The following EML6 variants were observed in gnomAD, a reference collection of about 807,000 sequenced individuals.
EML6 encodes the protein EMAP like 6, also known as echinoderm microtubule-associated protein-like 6.
A neutral mutation model predicts 240.1 loss-of-function variants in EML6; 154 were observed. The observed-to-expected ratio is 0.64, with a 90% CI of 0.56 to 0.73. The LOEUF (loss-of-function observed/expected upper bound fraction) is 0.73. Ranked by LOEUF, EML6 falls within the 30% of genes least tolerant of loss-of-function variation. The pLI is 0.00. For missense variants in EML6, 2,964 were observed against 2,474.6 expected, an observed-to-expected ratio of 1.20 and a Z score of -4.20; for synonymous variants, 1,148 against 899.0, an observed-to-expected ratio of 1.28 and a Z score of -4.95.
At chr2:54,764,455 C>G (rs1668100968) in intron 2 of EML6, among the ~76,000 whole-genome samples, 1 of 152,026 alleles carries the variant, frequency 6.6e-6, no homozygotes, top group African/African-American at 2.4e-5. Flanking sequence ...GCTCGTGAAA[C>G]CTGGGGGCAC....
chr2:54,896,567 A>G (rs1353905242), intron 21 of EML6, among the ~76,000 whole-genome samples: 1 of 152,142 alleles, frequency 6.6e-6, no homozygotes. Context: ...ATTTAGGTGG[A>G]AGAGGCATGG....
rs1386345945 is a variant in EML6, at chr2:54,853,628, A to G, written c.1445-15A>G. On this transcript the variant is annotated splice_polypyrimidine_tract_variant and intron_variant, in intron 10 of 41. Coordinates refer to ENST00000356458, the MANE Select transcript of EML6 (RefSeq NM_001039753.4). Reference sequence around the variant, plus strand: ...CTTTTTATTTAAATGTAATGTTAATATTGATTATTTTCAGCTGGGAAGCCT... The same window carrying G: ...CTTTTTATTTAAATGTAATGTTAATGTTGATTATTTTCAGCTGGGAAGCCT... The G allele has an allele frequency of 6.9e-7, 1 of 1,453,722 alleles. No individual in the cohort carries two copies. Among genetic ancestry groups the G allele is most frequent in the Admixed American group, 2.2e-5 (1 of 46,404 alleles). The allele number at this position is 1,453,722 out of a possible 1,614,324, so 90.1% of individuals were successfully genotyped here.
Position 54,909,250 on chromosome 2 carries a change from T to C in EML6, c.3410-1704T>C, listed in dbSNP as rs191654729. 2.0e-4 allele frequency among the ~76,000 whole-genome samples: 31 copies of C among 152,386 alleles called. 1 individual carries two copies. In the East Asian group the frequency reaches 5.8e-3, roughly 28 times the overall value. On this transcript the variant is annotated intron_variant, in intron 24 of 41. Transcript: ENST00000356458. ...CTCTTGAGTGTCCTAAAAATAGAAT[T>C]ACTTTACAGATGTATTTAGTTCATC...
At chr2:54,786,587 T>C (rs1669103826) in intron 2 of EML6, among the ~76,000 whole-genome samples, 2 of 151,982 alleles carry the variant, frequency 1.3e-5, no homozygotes, top group South Asian at 4.2e-4. Context: ...TATAGGGAGG[T>C]GGACAGTTTA....
Position 54,952,519 on chromosome 2 carries a change from C to T in EML6, c.4214-75C>T, listed in dbSNP as rs533834384. ...TTTTATAAGAAGTATCCAATGGCTC[C>T]ACGCGATGTTTTGAAGTTGCCCTAA... On this transcript the variant is annotated intron_variant, in intron 30 of 41. Coordinates refer to ENST00000356458, the MANE Select transcript of EML6 (RefSeq NM_001039753.4). 3.5e-4 allele frequency: 291 copies of T among 838,766 alleles called. 1 individual carries two copies. In the South Asian group the frequency reaches 4.6e-3, roughly 13 times the overall value. The allele number at this position is 838,766 out of a possible 1,614,324, so 52.0% of individuals were successfully genotyped here. A position where few individuals can be genotyped will look rare whatever the true frequency, so the allele number is the denominator to read the frequency against.
At chr2:54,895,445 G>T (rs773505989) in intron 21 of EML6, 45 bp downstream of exon 21, 3 of 1,542,816 alleles carry the variant, frequency 1.9e-6, no homozygotes, top group South Asian at 2.4e-5. Context: ...ATCAAGGCTG[G>T]GACTAGAGTG....
At chr2:54,900,835 TG>T (rs768628114) in intron 22 of EML6, among the ~76,000 whole-genome samples, 1 of 152,156 alleles carries the variant, frequency 6.6e-6, no homozygotes. Flanking sequence ...TAAAGATATT[TG>T]GCACAAAGTA....
rs575621987 is a variant in EML6 at position 54,961,184 on chromosome 2, G to GTTTTTTTTTTTTTTTTTT, written c.4968+852_4968+869dup. 6.0e-4 allele frequency among the ~76,000 whole-genome samples: 33 copies of GTTTTTTTTTTTTTTTTTT among 55,404 alleles called. 3 individuals are homozygous for GTTTTTTTTTTTTTTTTTT. Among genetic ancestry groups the GTTTTTTTTTTTTTTTTTT allele is most frequent in the African/African-American group, 1.9e-3 (24 of 12,364 alleles). The allele number at this position is 55,404 out of a possible 152,430, so 36.3% of individuals were successfully genotyped here. On this transcript the variant is annotated intron_variant, in intron 35 of 41. Transcript: ENST00000356458. ...GGAGCCTGGAAGTTATCAGGAAGTA[G>GTTTTTTTTTTTTTTTTTT]TTTTTTTTTTTTTTTTTTTGAGACG...
chr2:54,932,393 C>G (rs916681008), intron 28 of EML6, among the ~76,000 whole-genome samples: 5 of 152,198 alleles, frequency 3.3e-5, no homozygotes. Flanking sequence ...CACTCCTTAT[C>G]TGGGCACTCA....
chr2:54,802,295 T>G (rs548098435), intron 2 of EML6, among the ~76,000 whole-genome samples: 1 of 151,858 alleles, frequency 6.6e-6, no homozygotes, highest in East Asian at 1.9e-4. Context: ...GTAACTTACC[T>G]CGTACTTCTA....
chr2:54,855,283 G>GGA (rs1241149444), intron 11 of EML6, among the ~76,000 whole-genome samples: 3 of 152,006 alleles, frequency 2.0e-5, no homozygotes, highest in Non-Finnish European at 4.4e-5. Flanking sequence ...AAGGTGAGGG[G>GGA]GAGAAGGTAC....
At chr2:54,893,500 C>T (rs1672590007) in intron 19 of EML6, among the ~76,000 whole-genome samples, 1 of 152,172 alleles carries the variant, frequency 6.6e-6, no homozygotes, top group Non-Finnish European at 1.5e-5. Context: ...GTCTAGTCAA[C>T]TCTGAAAGTT....
At chr2:54,933,638 G>A (rs1449241382) in intron 28 of EML6, among the ~76,000 whole-genome samples, 1 of 151,980 alleles carries the variant, frequency 6.6e-6, no homozygotes, top group Admixed American at 6.6e-5. Flanking sequence ...GGAGGCTGAG[G>A]CACCAATCGC....
At chr2:54,865,374 A>C (rs1670917911) in intron 13 of EML6, among the ~76,000 whole-genome samples, 1 of 151,710 alleles carries the variant, frequency 6.6e-6, no homozygotes, top group East Asian at 1.9e-4. Context: ...CTACTCAGGA[A>C]GCTGAGGTGG....
chr2:54,893,742 C>T (rs555520977), intron 19 of EML6, among the ~76,000 whole-genome samples: 1 of 152,278 alleles, frequency 6.6e-6, no homozygotes, highest in South Asian at 2.1e-4. Context: ...TCTCAATTTT[C>T]TTTTACCTGT....
At chr2:54,844,272 C>G (rs780237483) in intron 8 of EML6, 24 bp downstream of exon 8, 1 of 1,533,810 alleles carries the variant, frequency 6.5e-7, no homozygotes, top group Admixed American at 2.0e-5. Flanking sequence ...GCCGTCACCT[C>G]TCTGACTTCT....
chr2:54,907,438 C>T (rs1206040481), intron 24 of EML6, among the ~76,000 whole-genome samples: 1 of 152,162 alleles, frequency 6.6e-6, no homozygotes, highest in Non-Finnish European at 1.5e-5. Flanking sequence ...AACCGGGAGG[C>T]AGAGGTTGCA....
chr2:54,898,245 G>T (rs557151572), intron 21 of EML6, among the ~76,000 whole-genome samples: 19 of 152,092 alleles, frequency 1.2e-4, no homozygotes, highest in Admixed American at 3.3e-4. Flanking sequence ...GTCCGATCCT[G>T]TGTTACACGG....
At chr2:54,857,833 C>T (rs369585993) in intron 11 of EML6, among the ~76,000 whole-genome samples, 8 of 151,874 alleles carry the variant, frequency 5.3e-5, no homozygotes, top group East Asian at 3.9e-4. Context: ...ACCAATGTAC[C>T]CAGAGCAGAG....
Sources: allele counts gnomAD v4.1 joint callset (sites outside exome capture counted in the v4.1 genomes callset), GRCh38; gene constraint gnomAD v4.1.1; transcripts MANE v1.5; gene names NCBI Gene and HGNC (gene_info 2026-07-23, HGNC 2026-07-21).